Variants in FREM1 observed in about 807,000 individuals in gnomAD.
FREM1 encodes FRAS1-related extracellular matrix protein 1.
FREM1 carries 220 observed loss-of-function variants against 210.1 expected under a neutral mutation model. The observed-to-expected ratio is 1.05, with a 90% CI of 0.94 to 1.17. The LOEUF (loss-of-function observed/expected upper bound fraction) is 1.17, where lower values mean the gene tolerates loss of function less well. Ranked by LOEUF, FREM1 falls within the 50% of genes most tolerant of loss-of-function variation. The pLI is 0.00. For missense variants in FREM1, 3,454 were observed against 2,675.5 expected, an observed-to-expected ratio of 1.29 and a Z score of -6.42; for synonymous variants, 1,189 against 980.2, an observed-to-expected ratio of 1.21 and a Z score of -3.98.
At chr9:14,833,348 T>C (rs574481702) in intron 10 of FREM1, among the ~76,000 whole-genome samples, 28 of 152,332 alleles carry the variant, frequency 1.8e-4, no homozygotes, top group African/African-American at 6.7e-4. Flanking sequence ...GCGGCTGTTA[T>C]CATCTTTGTT....
chr9:14,824,155 G>A (rs1440343825), intron 11 of FREM1, 40 bp from the exon 12 acceptor site: 5 of 1,315,048 alleles, frequency 3.8e-6, no homozygotes, highest in African/African-American at 2.9e-5. Flanking sequence ...CTCATTTTTA[G>A]GTAAGAAAAA....
At chr9:14,846,739 A>G (rs544690802) in intron 7 of FREM1, among the ~76,000 whole-genome samples, 1 of 152,332 alleles carries the variant, frequency 6.6e-6, no homozygotes, top group East Asian at 1.9e-4. Flanking sequence ...ATAATCCTGA[A>G]AGGGAGCAGA....
intron 1 of FREM1, among the ~76,000 whole-genome samples, chr9:14,902,855 T>A (rs1839028253): frequency 6.6e-6 from 1 of 152,212 alleles, no homozygotes; most frequent in East Asian, 1.9e-4. Flanking sequence ...TTATTTTACT[T>A]CCTTTTGCTG....
intron 24 of FREM1, chr9:14,779,451 A>T (rs1336738976): frequency 1.0e-6 from 1 of 983,876 alleles, no homozygotes. Flanking sequence ...AACAAACCCA[A>T]ATGCAAGCTT....
At position 14,909,408 on chromosome 9, in the gene FREM1, C is replaced by G. The variant is rs73417693; in HGVS notation, c.-268+506G>C. Among the ~76,000 whole-genome samples, 523 of 152,312 alleles carry G rather than the reference C, an allele frequency of 3.4e-3. 7 individuals carry two copies. The highest frequency in any genetic ancestry group is 0.012 in the African/African-American group (489 of 41,566). The stretch of plus-strand genomic sequence containing the variant: ...CATTTCTTTGCCTCCCCAGCACTAT[C>G]TCTCTTCCCCACAATGAAACAGAAA... On this transcript the variant is annotated intron_variant, in intron 1 of 36. Transcript: ENST00000380880.
chr9:14,810,899 T>C (rs937366711), intron 16 of FREM1, among the ~76,000 whole-genome samples: 1 of 152,206 alleles, frequency 6.6e-6, no homozygotes, highest in African/African-American at 2.4e-5. Context: ...TTCCATTCCT[T>C]CCAAGTTTTC....
At chr9:14,740,309 A>C in intron 35 of FREM1, 75 bp from the exon 36 acceptor site, 1 of 1,069,802 alleles carries the variant, frequency 9.3e-7, no homozygotes, top group Non-Finnish European at 1.4e-6. Context: ...CATAACAGAA[A>C]TAAAAGTAAG....
At chr9:14,775,213 A>T (rs1203505405) in intron 25 of FREM1, among the ~76,000 whole-genome samples, 1 of 152,214 alleles carries the variant, frequency 6.6e-6, no homozygotes. Flanking sequence ...GACGGCTAAT[A>T]CATTGCAAAG....
rs1191671451 is a variant in FREM1 at position 14,737,261 on chromosome 9, C to G, written c.*135G>C. On this transcript the variant is annotated 3_prime_UTR_variant, in exon 37 of 37. Transcript: ENST00000380880. Reference sequence around the variant, plus strand: ...TCTTTCTGGCACTATTAAAAATGTCCCATTTTCACTAGACAGAATCACAAA... The same window carrying G: ...TCTTTCTGGCACTATTAAAAATGTCGCATTTTCACTAGACAGAATCACAAA... The G allele has an allele frequency of 1.8e-6, 1 of 561,036 alleles. No individual in the cohort carries two copies. The highest frequency in any genetic ancestry group is 3.4e-5 in the Admixed American group (1 of 29,138). The allele number at this position is 561,036 out of a possible 1,614,324, so 34.8% of individuals were successfully genotyped here.
chr9:14,892,700 G>A (rs1228290993), intron 1 of FREM1, among the ~76,000 whole-genome samples: 1 of 152,078 alleles, frequency 6.6e-6, no homozygotes, highest in Non-Finnish European at 1.5e-5. Flanking sequence ...CTTGAGAGCT[G>A]ATGGAACTGC....
intron 1 of FREM1, among the ~76,000 whole-genome samples, chr9:14,899,801 G>T (rs938754742): frequency 6.6e-6 from 1 of 152,236 alleles, no homozygotes; most frequent in African/African-American, 2.4e-5. Flanking sequence ...AAACTGTGAT[G>T]TCCCTGAGCA....
At position 14,740,140 on chromosome 9, in the gene FREM1, G is replaced by A. The variant is rs562121209; in HGVS notation, c.6340+9C>T. 3.1e-6 allele frequency: 5 copies of A among 1,601,216 alleles called. No individual in the cohort carries two copies. The highest frequency in any genetic ancestry group is 4.3e-6 in the Non-Finnish European group (5 of 1,169,216). On this transcript the variant is annotated intron_variant, in intron 36 of 36. Transcript: ENST00000380880. The stretch of plus-strand genomic sequence containing the variant: ...CCTCCTCAGTGCAGCCTCCCTCCCA[G>A]ATACTTGCCTATCCAAAAGGACTTT...
chr9:14,745,728 C>G (rs1842297911), intron 35 of FREM1, among the ~76,000 whole-genome samples: 1 of 152,162 alleles, frequency 6.6e-6, no homozygotes, highest in African/African-American at 2.4e-5. Context: ...TCCAGATTGG[C>G]AAACAAAAAG....
intron 1 of FREM1, among the ~76,000 whole-genome samples, chr9:14,885,310 C>A (rs999061732): frequency 6.6e-6 from 1 of 152,086 alleles, no homozygotes; most frequent in African/African-American, 2.4e-5. Context: ...ACATTTTTGT[C>A]TTCCCCAGGC....
intron 12 of FREM1, among the ~76,000 whole-genome samples, chr9:14,823,824 T>C (rs1821823092): frequency 6.6e-6 from 1 of 152,172 alleles, no homozygotes; most frequent in Admixed American, 6.5e-5. Context: ...ACTGAAAAGA[T>C]TGTGAAACCA....
chr9:14,766,720 C>T (rs896110530), intron 27 of FREM1, among the ~76,000 whole-genome samples: 6 of 152,140 alleles, frequency 3.9e-5, no homozygotes, highest in Admixed American at 1.3e-4. Context: ...GATGGCACCC[C>T]GCAGTCCCTT....
At chr9:14,801,416 A>T (rs1382675683) in intron 20 of FREM1, among the ~76,000 whole-genome samples, 1 of 152,206 alleles carries the variant, frequency 6.6e-6, no homozygotes, top group Non-Finnish European at 1.5e-5. Flanking sequence ...TATGCAATAT[A>T]TTGTTAACTA....
chr9:14,878,653 C>G (rs62537691), intron 1 of FREM1, among the ~76,000 whole-genome samples: 1,634 of 152,222 alleles, frequency 0.011, 14 homozygotes, highest in Non-Finnish European at 0.017. Flanking sequence ...TTTGTACCAA[C>G]CTAATATTAG....
intron 1 of FREM1, among the ~76,000 whole-genome samples, chr9:14,872,303 T>C (rs1019184971): frequency 6.6e-6 from 1 of 152,210 alleles, no homozygotes; most frequent in African/African-American, 2.4e-5. Context: ...CCCATGAGCA[T>C]GGAATGTTCT....
Sources: gnomAD v4.1 joint callset for allele counts (sites outside exome capture counted in the v4.1 genomes callset) on GRCh38, gnomAD v4.1.1 for gene constraint, MANE v1.5 for transcripts, NCBI Gene and HGNC (gene_info 2026-07-23, HGNC 2026-07-21) for gene names.